The following FAM107B variants were observed in gnomAD, a reference collection of about 807,000 sequenced individuals.
The protein encoded by FAM107B is family with sequence similarity 107 member B.
A neutral mutation model predicts 31.5 loss-of-function variants in FAM107B; 21 were observed. The observed-to-expected ratio is 0.67, with a 90% CI of 0.47 to 0.96. FAM107B has a LOEUF of 0.96. Ranked by LOEUF, FAM107B falls within the 40% of genes least tolerant of loss-of-function variation. The pLI is 0.00. For synonymous variants in FAM107B, 157 were observed against 141.5 expected (o/e 1.11, Z -0.78); for missense variants, 452 against 377.1 (o/e 1.20, Z -1.64).
chr10:14,653,572 A>G (rs1216245673), intron 2 of FAM107B, among the ~76,000 whole-genome samples: 1 of 152,176 alleles, frequency 6.6e-6, no homozygotes, highest in Non-Finnish European at 1.5e-5. Context: ...CTGTGCCATC[A>G]TGGTGCAAGC....
intron 1 of FAM107B, among the ~76,000 whole-genome samples, chr10:14,708,430 A>G (rs1243006703): frequency 2.0e-5 from 3 of 152,018 alleles, no homozygotes; most frequent in Non-Finnish European, 2.9e-5. Context: ...TCCCTTTCTC[A>G]TGACTATGTG....
chr10:14,701,348 G>A (rs556238182), intron 1 of FAM107B, among the ~76,000 whole-genome samples: 3 of 152,068 alleles, frequency 2.0e-5, no homozygotes, highest in South Asian at 2.1e-4. Context: ...AGGTTCAAGC[G>A]ATTCTCTAGC....
Position 14,518,721 on chromosome 10 carries a change from T to C in FAM107B, c.*2469A>G, listed in dbSNP as rs2130720329. 6.5e-6 allele frequency: 1 copy of C among 152,742 alleles called. No homozygotes were observed. Among genetic ancestry groups the C allele is most frequent in the East Asian group, 1.9e-4 (1 of 5,188 alleles). 9.5% of individuals were successfully genotyped at this position (152,742 alleles called of 1,614,324 possible). On this transcript the variant is annotated 3_prime_UTR_variant, in exon 5 of 5. Coordinates refer to ENST00000181796, the MANE Select transcript of FAM107B (RefSeq NM_031453.4). ...CCATTAAGGCTCCCTTTATATATAT[T>C]ATATACACTCAAACAAGTCAAGATT...
chr10:14,652,059 G>A (rs10796217), intron 2 of FAM107B, among the ~76,000 whole-genome samples: 50,336 of 151,904 alleles, frequency 0.33, 8,571 homozygotes, highest in African/African-American at 0.38. Context: ...GGCCAAGTTC[G>A]AGGGATGTTT....
chr10:14,566,175 G>A (rs1850651076), intron 2 of FAM107B, among the ~76,000 whole-genome samples: 1 of 152,234 alleles, frequency 6.6e-6, no homozygotes, highest in Non-Finnish European at 1.5e-5. Context: ...TTTCACTAAA[G>A]TAGCAGAGAT....
intron 2 of FAM107B, among the ~76,000 whole-genome samples, chr10:14,564,441 A>G (rs908471030): frequency 5.3e-5 from 8 of 152,182 alleles, no homozygotes; most frequent in African/African-American, 1.9e-4. Context: ...GTTTGTGAGG[A>G]AACAGTGCCC....
intron 4 of FAM107B, 45 bp downstream of exon 4, chr10:14,521,824 C>T: frequency 6.3e-7 from 1 of 1,599,762 alleles, no homozygotes; most frequent in Non-Finnish European, 8.5e-7. Context: ...CAACATTCTT[C>T]AAGACAAAAA....
intron 2 of FAM107B, among the ~76,000 whole-genome samples, chr10:14,554,571 C>A (rs1295623625): frequency 1.3e-5 from 2 of 152,088 alleles, no homozygotes; most frequent in Non-Finnish European, 2.9e-5. Context: ...GGATCTGGTA[C>A]AAATGAGAGG....
chr10:14,537,786 G>A (rs1847782087), intron 2 of FAM107B, among the ~76,000 whole-genome samples: 1 of 144,978 alleles, frequency 6.9e-6, no homozygotes, highest in Non-Finnish European at 1.5e-5. Context: ...AGTGGGCTGA[G>A]ATTGCGCCAC....
chr10:14,662,875 G>A (rs1350606704), intron 2 of FAM107B, among the ~76,000 whole-genome samples: 2 of 152,164 alleles, frequency 1.3e-5, no homozygotes, highest in Non-Finnish European at 2.9e-5. Context: ...TTGGTGAGGG[G>A]GTTGCCAACG....
At chr10:14,734,205 G>A (rs894160130) in intron 1 of FAM107B, among the ~76,000 whole-genome samples, 2 of 152,202 alleles carry the variant, frequency 1.3e-5, no homozygotes, top group African/African-American at 4.8e-5. Flanking sequence ...TTGAATCAAA[G>A]ATCCATTGCA....
At chr10:14,724,615 G>A (rs1353092099) in intron 1 of FAM107B, among the ~76,000 whole-genome samples, 1 of 152,060 alleles carries the variant, frequency 6.6e-6, no homozygotes, top group Admixed American at 6.6e-5. Context: ...TCTGGAGCAG[G>A]TGGTCACATT....
chr10:14,656,151 C>A (rs1172050065), intron 2 of FAM107B, among the ~76,000 whole-genome samples: 2 of 152,132 alleles, frequency 1.3e-5, no homozygotes, highest in African/African-American at 4.8e-5. Context: ...CCTGTTCTGG[C>A]CCCTGTGCTC....
chr10:14,749,576 A>G (rs1472094897), intron 1 of FAM107B, among the ~76,000 whole-genome samples: 1 of 152,192 alleles, frequency 6.6e-6, no homozygotes, highest in Non-Finnish European at 1.5e-5. Context: ...TAACAGCCTT[A>G]CTAGAACCAA....
chr10:14,634,476 A>T (rs1462645708), intron 2 of FAM107B, among the ~76,000 whole-genome samples: 8 of 152,046 alleles, frequency 5.3e-5, no homozygotes, highest in African/African-American at 1.9e-4. Context: ...AGCTGGGTTT[A>T]TTTGCATGGA....
chr10:14,586,676 C>T (rs559505383), intron 2 of FAM107B, among the ~76,000 whole-genome samples: 2 of 152,288 alleles, frequency 1.3e-5, no homozygotes, highest in African/African-American at 4.8e-5. Flanking sequence ...TCTTGGAGTT[C>T]CCAACCTCCA....
intron 2 of FAM107B, among the ~76,000 whole-genome samples, chr10:14,617,824 G>C (rs1470207847): frequency 2.0e-5 from 3 of 152,028 alleles, no homozygotes; most frequent in Non-Finnish European, 2.9e-5. Context: ...TACCATGGTG[G>C]CGCATGCCTG....
intron 1 of FAM107B, among the ~76,000 whole-genome samples, chr10:14,689,998 AAAGGAAGGAAGG>A (rs150130671): frequency 2.3e-4 from 29 of 127,462 alleles, no homozygotes; most frequent in South Asian, 1.8e-3. Flanking sequence ...AAGAAAGACA[AAAGGAAGGAAGG>A]AAGGAAGGAA....
chr10:14,566,695 T>C lies in FAM107B; in HGVS notation c.470-36180A>G, dbSNP rs555872421. Among the ~76,000 whole-genome samples the C allele has an allele frequency of 1.6e-3, 250 of 152,342 alleles. 2 individuals carry two copies. The highest frequency in any genetic ancestry group is 1.7e-3 in the Non-Finnish European group (116 of 68,026). The stretch of plus-strand genomic sequence containing the variant: ...GTAGGTAATAGTACAAGGCAGAAAG[T>C]AGAACATGCTCTCAAAATGTTTCAT... On this transcript the variant is annotated intron_variant, in intron 2 of 4. Coordinates refer to ENST00000181796, the MANE Select transcript of FAM107B (RefSeq NM_031453.4).
Sources: allele counts gnomAD v4.1 joint callset (sites outside exome capture counted in the v4.1 genomes callset), GRCh38; gene constraint gnomAD v4.1.1; transcripts MANE v1.5; gene names NCBI Gene and HGNC (gene_info 2026-07-23, HGNC 2026-07-21).